The following NFIL3 variants were observed in gnomAD, a reference collection of about 807,000 sequenced individuals.
The protein encoded by NFIL3 is nuclear factor interleukin-3-regulated protein.
NFIL3 carries 5 observed loss-of-function variants against 10.0 expected under a neutral mutation model. That is an observed-to-expected ratio of 0.50 (90% CI 0.26 to 1.06). NFIL3 has a LOEUF of 1.06. Ranked by LOEUF, NFIL3 falls within the 50% of genes least tolerant of loss-of-function variation. The probability of loss-of-function intolerance (pLI) is 0.13; values close to 1 mark genes in which losing one functional copy is unlikely to be tolerated. For missense variants in NFIL3, 436 were observed against 547.6 expected, an observed-to-expected ratio of 0.80 and a Z score of 2.03; for synonymous variants, 202 against 206.5, an observed-to-expected ratio of 0.98 and a Z score of 0.19.
chr9:91,469,514 C>G, the NFIL3 span, among the ~76,000 whole-genome samples: 1 of 152,138 alleles, frequency 6.6e-6, no homozygotes, highest in African/African-American at 2.4e-5. Context: ...TAATTGAATA[C>G]CCTTTATTTC....
At chr9:91,464,067 T>C in the NFIL3 span, among the ~76,000 whole-genome samples, 1 of 152,114 alleles carries the variant, frequency 6.6e-6, no homozygotes, top group Non-Finnish European at 1.5e-5. Context: ...GTAGACAACA[T>C]ATAGTTTTCT....
rs1587961537 is a variant in NFIL3 at position 91,410,806 on chromosome 9, A to C, written c.-72T>G. On this transcript the variant is annotated 5_prime_UTR_variant, in exon 2 of 2. Coordinates refer to ENST00000297689, the MANE Select transcript of NFIL3 (RefSeq NM_005384.3). This position sits in a 1 kb window ranked among gnomAD's most constrained non-coding sequence, Gnocchi z 5.7. The stretch of plus-strand genomic sequence containing the variant: ...TTCCCCGTATTCTCAAGCTCTTTAA[A>C]AACTCTGGTTTAAAATCCATCAATA... 9.0e-6 allele frequency: 13 copies of C among 1,436,594 alleles called. No homozygotes were observed. The East Asian group carries it at 2.6e-4, about 28-fold the overall frequency. The allele number at this position is 1,436,594 out of a possible 1,614,324, so 89.0% of individuals were successfully genotyped here. A position where few individuals can be genotyped will look rare whatever the true frequency, so the allele number is the denominator to read the frequency against.
chr9:91,444,277 T>TA, the NFIL3 span, among the ~76,000 whole-genome samples: 22 of 152,126 alleles, frequency 1.4e-4, no homozygotes, highest in African/African-American at 4.6e-4. Context: ...TGTGTGGTTT[T>TA]AAAAAAAATG....
intron 1 of NFIL3, among the ~76,000 whole-genome samples, chr9:91,418,525 TTTAA>T (rs745868023): frequency 1.3e-5 from 2 of 152,250 alleles, no homozygotes; most frequent in Non-Finnish European, 2.9e-5. Flanking sequence ...CACTTGGCTT[TTTAA>T]TTTCTTTTTC....
chr9:91,432,835 A>C, the NFIL3 span, among the ~76,000 whole-genome samples: 12 of 152,206 alleles, frequency 7.9e-5, no homozygotes, highest in Non-Finnish European at 1.5e-4. Context: ...AAGTATAGCT[A>C]TTTTGATGTG....
intron 1 of NFIL3, among the ~76,000 whole-genome samples, chr9:91,421,552 A>G (rs1295802588): frequency 6.6e-6 from 1 of 151,780 alleles, no homozygotes; most frequent in East Asian, 2.0e-4. Flanking sequence ...CCACTACCAG[A>G]CCCGCCCCCA....
the NFIL3 span, among the ~76,000 whole-genome samples, chr9:91,442,542 C>T: frequency 4.6e-5 from 7 of 152,120 alleles, no homozygotes; most frequent in South Asian, 2.1e-4. Flanking sequence ...GCGAGCCAGG[C>T]GCAGAGTGGT....
the NFIL3 span, among the ~76,000 whole-genome samples, chr9:91,446,820 T>C: frequency 6.6e-6 from 1 of 151,284 alleles, no homozygotes. Flanking sequence ...CTCTCTTTCT[T>C]TCTTTCTCTC....
the NFIL3 span, among the ~76,000 whole-genome samples, chr9:91,473,623 C>T: frequency 2.6e-5 from 4 of 152,222 alleles, no homozygotes; most frequent in African/African-American, 9.7e-5. Flanking sequence ...CACAGCTTCC[C>T]TTGGCTAGGA....
chr9:91,424,185 C>CCACCGCCCCGTCCGCT (rs1833834799), upstream of NFIL3, among the ~76,000 whole-genome samples: 1 of 152,068 alleles, frequency 6.6e-6, no homozygotes, highest in Non-Finnish European at 1.5e-5. Flanking sequence ...GCCCCCCGTC[C>CCACCGCCCCGTCCGCT]CACCGCCCCG....
chr9:91,481,653 GT>G, the NFIL3 span, among the ~76,000 whole-genome samples: 1 of 151,762 alleles, frequency 6.6e-6, no homozygotes, highest in East Asian at 1.9e-4. Flanking sequence ...TGCGGTTAAC[GT>G]TTTTTGTAAA....
At chr9:91,444,585 G>A in the NFIL3 span, among the ~76,000 whole-genome samples, 2 of 152,098 alleles carry the variant, frequency 1.3e-5, no homozygotes, top group South Asian at 2.1e-4. Context: ...GGCTTTTGTT[G>A]GGAAAGATTT....
chr9:91,463,254 C>T, the NFIL3 span, among the ~76,000 whole-genome samples: 5 of 151,302 alleles, frequency 3.3e-5, no homozygotes, highest in Admixed American at 6.6e-5. Flanking sequence ...TTCTTCTTTC[C>T]GTAGTTTCAT....
chr9:91,412,136 CAA>C (rs961377512), intron 1 of NFIL3, among the ~76,000 whole-genome samples: 1 of 111,836 alleles, frequency 8.9e-6, no homozygotes, highest in African/African-American at 3.3e-5. Flanking sequence ...CCACACAAAA[CAA>C]AAAAACACTT....
chr9:91,455,436 T>C, the NFIL3 span, among the ~76,000 whole-genome samples: 1 of 152,214 alleles, frequency 6.6e-6, no homozygotes. Context: ...TGTGGCTTAA[T>C]GATGTTTATT....
At chr9:91,417,392 G>GA (rs1312762597) in intron 1 of NFIL3, among the ~76,000 whole-genome samples, 7 of 152,226 alleles carry the variant, frequency 4.6e-5, no homozygotes, top group Non-Finnish European at 8.8e-5. Flanking sequence ...TCATTTTCAT[G>GA]AAAAAATCAA....
the NFIL3 span, among the ~76,000 whole-genome samples, chr9:91,467,251 A>G: frequency 1.3e-5 from 2 of 152,054 alleles, no homozygotes; most frequent in Non-Finnish European, 2.9e-5. Context: ...TATATATAGC[A>G]TATGTGTGTA....
the NFIL3 span, among the ~76,000 whole-genome samples, chr9:91,466,836 A>C: frequency 1.3e-5 from 2 of 152,218 alleles, no homozygotes; most frequent in South Asian, 4.1e-4. Context: ...CAACTTGGGC[A>C]GGCCATGATA....
In NFIL3 at chr9:91,410,127, G is replaced by C. The variant is rs764695451; in HGVS notation, c.608C>G (p.Ser203Cys). Residue 203 changes from serine (S) to cysteine (C), a missense_variant, in exon 2 of 2, where the codon TCT (serine) becomes TGT (cysteine). Transcript: ENST00000297689. The surrounding 1 kb of genome is among the most constrained non-coding windows in gnomAD (Gnocchi z 5.7). ...AGGACTTCTGCAGCTTCCCTGCACA[G>C]AGCTCTCCTGCGTGTGTTCTACTGA... ...VSSVEHTQES[S>C]VQGSCRSPEN... 5 of 1,614,012 alleles carry C rather than the reference G, an allele frequency of 3.1e-6. No homozygotes were observed. The East Asian group carries it at 1.1e-4, about 36-fold the overall frequency.
Sources: gnomAD v4.1 joint callset for allele counts (sites outside exome capture counted in the v4.1 genomes callset) on GRCh38, gnomAD v4.1.1 for gene constraint, Gnocchi (gnomAD v3.1) non-coding constraint, MANE v1.5 for transcripts, NCBI Gene and HGNC (gene_info 2026-07-23, HGNC 2026-07-21) for gene names.